The following TMPRSS11F variants were observed in gnomAD, a reference collection of about 807,000 sequenced individuals.
TMPRSS11F encodes transmembrane protease serine 11F.
In TMPRSS11F, 47 loss-of-function variants were observed where a neutral mutation model predicts 60.2. The observed-to-expected ratio is 0.78, with a 90% CI of 0.62 to 1.00. The LOEUF is 1.00. Ranked by LOEUF, TMPRSS11F falls within the 50% of genes least tolerant of loss-of-function variation. The pLI, the probability that TMPRSS11F is intolerant of heterozygous loss-of-function variation, is 0.00. For synonymous variants in TMPRSS11F, 166 were observed against 167.3 expected (o/e 0.99, Z 0.06); for missense variants, 519 against 522.9 (o/e 0.99, Z 0.07).
intron 8 of TMPRSS11F, among the ~76,000 whole-genome samples, chr4:68,060,658 T>G (rs962356925): frequency 6.6e-6 from 1 of 150,898 alleles, no homozygotes; most frequent in African/African-American, 2.4e-5. Flanking sequence ...TGGAGAAAGC[T>G]CATTGATGTA....
chr4:68,095,767 G>T (rs1176707712), intron 2 of TMPRSS11F, among the ~76,000 whole-genome samples: 1 of 151,778 alleles, frequency 6.6e-6, no homozygotes, highest in East Asian at 1.9e-4. Flanking sequence ...ATGGTGGCGG[G>T]TGCCTGTAAT....
intron 5 of TMPRSS11F, among the ~76,000 whole-genome samples, chr4:68,070,314 C>T (rs1246494674): frequency 7.9e-6 from 1 of 126,770 alleles, no homozygotes; most frequent in Non-Finnish European, 2.0e-5. Flanking sequence ...TCCCTGACTG[C>T]TTTCTTTGGG....
At chr4:68,115,597 C>T (rs183880136) in intron 1 of TMPRSS11F, among the ~76,000 whole-genome samples, 1 of 152,002 alleles carries the variant, frequency 6.6e-6, no homozygotes, top group Non-Finnish European at 1.5e-5. Context: ...GAATAAAGTG[C>T]TTTTATTAAT....
chr4:68,119,855 G>A (rs1030781455), intron 1 of TMPRSS11F, among the ~76,000 whole-genome samples: 2 of 152,142 alleles, frequency 1.3e-5, no homozygotes, highest in African/African-American at 4.8e-5. Flanking sequence ...GACATACATT[G>A]ATAAGGCTAT....
At chr4:68,084,878 TC>T (rs1169557676) in intron 3 of TMPRSS11F, among the ~76,000 whole-genome samples, 1 of 107,688 alleles carries the variant, frequency 9.3e-6, no homozygotes, top group Non-Finnish European at 1.9e-5. Flanking sequence ...ATGCTATCCC[TC>T]CCCCCTCCCC....
rs146002633 is a variant in TMPRSS11F at position 68,066,707 on chromosome 4, G to A, written c.756-1763C>T. ...TCCCAGCACTATGGGAGGCTGAGGCGGGCGGATCATGAGGTCGGGAGATCG... is the reference window on the plus strand; with the variant it reads ...TCCCAGCACTATGGGAGGCTGAGGCAGGCGGATCATGAGGTCGGGAGATCG... On this transcript the variant is annotated intron_variant, in intron 7 of 9. Transcript: ENST00000356291. 9.4e-3 allele frequency among the ~76,000 whole-genome samples: 1,437 copies of A among 152,092 alleles called. 16 individuals are homozygous for A. Among genetic ancestry groups the A allele is most frequent in the Non-Finnish European group, 0.012 (833 of 67,974 alleles).
intron 2 of TMPRSS11F, among the ~76,000 whole-genome samples, chr4:68,093,489 C>G (rs1418613761): frequency 6.6e-6 from 1 of 152,122 alleles, no homozygotes; most frequent in Non-Finnish European, 1.5e-5. Context: ...CAGGCATGGG[C>G]AAGGACTTCA....
At chr4:68,087,369 A>G (rs1329576328) in intron 3 of TMPRSS11F, among the ~76,000 whole-genome samples, 5 of 152,198 alleles carry the variant, frequency 3.3e-5, no homozygotes, top group Non-Finnish European at 7.3e-5. Flanking sequence ...TGTCAAAATA[A>G]TAAGAGCTAT....
At chr4:68,064,177 T>A (rs931270260) in intron 8 of TMPRSS11F, among the ~76,000 whole-genome samples, 5 of 150,632 alleles carry the variant, frequency 3.3e-5, no homozygotes, top group Non-Finnish European at 5.9e-5. Context: ...CTTTCTTTCT[T>A]TTCTTTTTTT....
At chr4:68,093,638 C>T (rs1724000192) in intron 2 of TMPRSS11F, among the ~76,000 whole-genome samples, 1 of 151,854 alleles carries the variant, frequency 6.6e-6, no homozygotes, top group Non-Finnish European at 1.5e-5. Context: ...AAAATTTTTG[C>T]AACCTACTCG....
intron 3 of TMPRSS11F, among the ~76,000 whole-genome samples, chr4:68,078,409 G>A (rs1577918931): frequency 6.6e-6 from 1 of 152,096 alleles, no homozygotes; most frequent in Admixed American, 6.5e-5. Flanking sequence ...GGGCCACCTT[G>A]TCATCTTGAA....
chr4:68,096,886 G>T (rs1560405423), intron 2 of TMPRSS11F, among the ~76,000 whole-genome samples: 1 of 152,082 alleles, frequency 6.6e-6, no homozygotes, highest in Non-Finnish European at 1.5e-5. Flanking sequence ...ATCTATAAAA[G>T]TAATATTTTA....
chr4:68,076,444 C>G (rs1021056586), intron 3 of TMPRSS11F, among the ~76,000 whole-genome samples: 1 of 152,188 alleles, frequency 6.6e-6, no homozygotes, highest in Non-Finnish European at 1.5e-5. Context: ...GTTGTGTGAT[C>G]TGGCACTCTG....
At position 68,091,747 on chromosome 4, in the gene TMPRSS11F, ATCTC is replaced by A. The variant is rs372346277; in HGVS notation, c.164-1110_164-1107del. Among the ~76,000 whole-genome samples the A allele has an allele frequency of 2.0e-3, 145 of 71,676 alleles. 1 individual carries two copies. Among genetic ancestry groups the A allele is most frequent in the South Asian group, 6.7e-3 (14 of 2,082 alleles). The allele number at this position is 71,676 out of a possible 152,430, so 47.0% of individuals were successfully genotyped here. A position where few individuals can be genotyped will look rare whatever the true frequency, so the allele number is the denominator to read the frequency against. Reference sequence around the variant, plus strand: ...GTAACTATAACCCATTTAATCTCTAATCTCTCTCTCTCTCTCTCTCTCTCTCTCT... The same window carrying A: ...GTAACTATAACCCATTTAATCTCTAATCTCTCTCTCTCTCTCTCTCTCTCT... On this transcript the variant is annotated intron_variant, in intron 2 of 9. Transcript: ENST00000356291.
intron 1 of TMPRSS11F, among the ~76,000 whole-genome samples, chr4:68,119,371 G>A (rs778308255): frequency 6.6e-6 from 1 of 152,154 alleles, no homozygotes; most frequent in Non-Finnish European, 1.5e-5. Flanking sequence ...GATTACTTAA[G>A]ATCCCTGATA....
At chr4:68,087,697 T>TTTTATTTATTTATTTATTTA (rs71218930) in intron 3 of TMPRSS11F, among the ~76,000 whole-genome samples, 1 of 149,152 alleles carries the variant, frequency 6.7e-6, no homozygotes, top group Non-Finnish European at 1.5e-5. Flanking sequence ...ATTAGTAGCA[T>TTTTATTTATTTATTTATTTA]TTTATTTATT....
chr4:68,102,133 C>CGCATGGCA (rs1488906865), intron 1 of TMPRSS11F, among the ~76,000 whole-genome samples: 1 of 152,158 alleles, frequency 6.6e-6, no homozygotes, highest in Non-Finnish European at 1.5e-5. Context: ...GGCTCATCCA[C>CGCATGGCA]GCATGGCAAA....
intron 2 of TMPRSS11F, 138 bp from the exon 3 acceptor site, chr4:68,090,779 T>C: frequency 7.2e-7 from 1 of 1,390,058 alleles, no homozygotes; most frequent in Non-Finnish European, 9.5e-7. Context: ...TGAAGACACT[T>C]CTCAAATACT....
chr4:68,109,252 G>A (rs370736585), intron 1 of TMPRSS11F, among the ~76,000 whole-genome samples: 1 of 152,102 alleles, frequency 6.6e-6, no homozygotes, highest in South Asian at 2.1e-4. Flanking sequence ...AGAAGGTCCA[G>A]TACTCCAGTA....
Sources: allele counts gnomAD v4.1 joint callset (sites outside exome capture counted in the v4.1 genomes callset), GRCh38; gene constraint gnomAD v4.1.1; transcripts MANE v1.5; gene names NCBI Gene and HGNC (gene_info 2026-07-23, HGNC 2026-07-21).